ESR1: variants seen among roughly 807,000 people sequenced by gnomAD.
ESR1 encodes the protein estrogen receptor.
ESR1 carries 12 observed loss-of-function variants against 52.7 expected under a neutral mutation model. That is an observed-to-expected ratio of 0.23 (90% CI 0.15 to 0.37). ESR1 has a LOEUF of 0.37. ESR1 is among the 10% of genes least tolerant of loss of function. ESR1 has a pLI of 1.00. For synonymous variants in ESR1, 305 were observed against 316.8 expected (o/e 0.96, Z 0.39); for missense variants, 584 against 779.7 (o/e 0.75, Z 2.99).
rs116413264 is a variant in ESR1 at position 152,112,531 on chromosome 6, A to C, written c.851-12735A>C. 8.9e-3 allele frequency among the ~76,000 whole-genome samples: 1,362 copies of C among 152,322 alleles called. 27 individuals are homozygous for C. Among genetic ancestry groups the C allele is most frequent in the African/African-American group, 0.032 (1,310 of 41,570 alleles). On this transcript the variant is annotated intron_variant, in intron 6 of 6. Coordinates refer to the ESR1 transcript ENST00000427531. The stretch of plus-strand genomic sequence containing the variant: ...TAACAATGCCCCCGGGATCCCATCA[A>C]GCCAATCAAAAGGATTGAAAACCCT...
At chr6:152,040,458 C>G (rs1245012203) in intron 5 of ESR1, among the ~76,000 whole-genome samples, 2 of 152,204 alleles carry the variant, frequency 1.3e-5, no homozygotes, top group African/African-American at 2.4e-5. Flanking sequence ...TCAGAGAGGT[C>G]CATCCATCCA....
intron 2 of ESR1, among the ~76,000 whole-genome samples, chr6:151,787,974 G>C (rs1192009023): frequency 6.6e-6 from 1 of 152,062 alleles, no homozygotes; most frequent in Non-Finnish European, 1.5e-5. Context: ...ATGGATTAAA[G>C]ACTTAAATGA....
At chr6:151,976,435 T>A (rs923473155) in intron 4 of ESR1, among the ~76,000 whole-genome samples, 1 of 152,034 alleles carries the variant, frequency 6.6e-6, no homozygotes, top group Non-Finnish European at 1.5e-5. Context: ...CATATTTCAC[T>A]ATTTTTTTTT....
intron 5 of ESR1, among the ~76,000 whole-genome samples, chr6:152,054,995 T>C (rs993262806): frequency 2.0e-5 from 3 of 148,738 alleles, no homozygotes; most frequent in African/African-American, 7.9e-5. Context: ...CCATCCATGT[T>C]GTTGCAAGCG....
intron 6 of ESR1, among the ~76,000 whole-genome samples, chr6:152,062,753 T>A (rs1253165853): frequency 1.3e-5 from 2 of 152,164 alleles, no homozygotes; most frequent in Admixed American, 6.5e-5. Context: ...AAGGCAGGCC[T>A]ATTAAGTGTT....
chr6:151,786,132 C>T (rs908438626), intron 2 of ESR1, among the ~76,000 whole-genome samples: 4 of 152,170 alleles, frequency 2.6e-5, no homozygotes, highest in African/African-American at 9.7e-5. Flanking sequence ...ACAGGGTGCT[C>T]ACAGTACTCC....
intron 2 of ESR1, among the ~76,000 whole-genome samples, chr6:151,845,404 A>G (rs1404850915): frequency 6.6e-6 from 1 of 152,110 alleles, no homozygotes; most frequent in Admixed American, 6.5e-5. Context: ...CCCCATCTCT[A>G]CTAAAAATAT....
chr6:151,753,150 C>T (rs765741373), intron 2 of ESR1, among the ~76,000 whole-genome samples: 13 of 152,174 alleles, frequency 8.5e-5, no homozygotes, highest in East Asian at 3.8e-4. Context: ...CAACTGTTGA[C>T]GTGCTTTAAA....
chr6:152,098,391 G>A lies in ESR1; in HGVS notation c.1554-341G>A, dbSNP rs9341066. ...GGCGATCCTATTTGAATGCATTTAG[G>A]TCCTATTGGAGGGGAATAGGATCTC... On this transcript the variant is annotated intron_variant, in intron 7 of 7. Transcript: ENST00000206249. The surrounding 1 kb of genome is among the most constrained non-coding windows in gnomAD (Gnocchi z 5.1). Among the ~76,000 whole-genome samples, 8,353 of 152,076 alleles carry A rather than the reference G, an allele frequency of 0.055. 245 individuals carry two copies. Among genetic ancestry groups the A allele is most frequent in the Admixed American group, 0.074 (1,124 of 15,278 alleles).
chr6:151,808,486 G>T, intron 1 of ESR1, 122 bp downstream of exon 1: 2 of 875,172 alleles, frequency 2.3e-6, no homozygotes, highest in Non-Finnish European at 3.1e-6. Context: ...ACCCGAGGGT[G>T]CGCGCAGGGA....
intron 4 of ESR1, among the ~76,000 whole-genome samples, chr6:151,990,856 T>C (rs1270314594): frequency 6.6e-6 from 1 of 152,222 alleles, no homozygotes; most frequent in African/African-American, 2.4e-5. Flanking sequence ...CTTTTAATTC[T>C]ATAGTTTAAT....
chr6:151,925,860 A>G (rs980677038), intron 3 of ESR1, among the ~76,000 whole-genome samples: 45 of 152,046 alleles, frequency 3.0e-4, no homozygotes, highest in African/African-American at 1.0e-3. Flanking sequence ...GGTGTTGTAT[A>G]TAAAAACTTA....
At chr6:151,861,215 C>T (rs1339934707) in intron 2 of ESR1, among the ~76,000 whole-genome samples, 2 of 152,074 alleles carry the variant, frequency 1.3e-5, no homozygotes, top group African/African-American at 2.4e-5. Flanking sequence ...TCCATGAGAA[C>T]ACTCCCGAAG....
intron 1 of ESR1, among the ~76,000 whole-genome samples, chr6:151,840,755 G>A (rs1716343872): frequency 6.6e-6 from 1 of 152,146 alleles, no homozygotes; most frequent in African/African-American, 2.4e-5. Flanking sequence ...ATTGACTTTA[G>A]CTCATCTTAG....
Position 151,943,964 on chromosome 6 carries a change from G to A in ESR1, c.761-209G>A, listed in dbSNP as rs578067617. On this transcript the variant is annotated intron_variant, in intron 3 of 7. Coordinates refer to ENST00000206249, the MANE Select transcript of ESR1 (RefSeq NM_000125.4). ...ACACCATGAAAATTGGCATGTTATG[G>A]TGGTAGTATTTACACCATGAAAACT... Among the ~76,000 whole-genome samples, 13 of 152,236 alleles carry A rather than the reference G, an allele frequency of 8.5e-5. No homozygotes were observed. The South Asian group carries it at 2.7e-3, about 32-fold the overall frequency.
intron 2 of ESR1, among the ~76,000 whole-genome samples, chr6:151,706,619 C>T (rs958518998): frequency 2.6e-5 from 4 of 152,104 alleles, no homozygotes; most frequent in Admixed American, 6.5e-5. Flanking sequence ...TGCTGTGCCA[C>T]GAGAGCACAC....
chr6:151,687,761 G>A (rs1232924977), upstream of ESR1, among the ~76,000 whole-genome samples: 2 of 152,076 alleles, frequency 1.3e-5, no homozygotes, highest in Admixed American at 6.5e-5. Flanking sequence ...TCATTGTTCT[G>A]TGCTTCTTAA....
At chr6:151,925,049 A>G (rs1431258066) in intron 3 of ESR1, among the ~76,000 whole-genome samples, 1 of 152,014 alleles carries the variant, frequency 6.6e-6, no homozygotes, top group Non-Finnish European at 1.5e-5. Flanking sequence ...GCTTTCCACA[A>G]TGGGTGAACT....
intron 4 of ESR1, chr6:151,983,537 T>A (rs1359087612): frequency 6.6e-6 from 1 of 152,144 alleles, no homozygotes; most frequent in Non-Finnish European, 1.5e-5. Context: ...CAAGGTTACC[T>A]TGTGAATAGG....
Sources: gnomAD v4.1 joint callset for allele counts (sites outside exome capture counted in the v4.1 genomes callset) on GRCh38, gnomAD v4.1.1 for gene constraint, Gnocchi (gnomAD v3.1) non-coding constraint, MANE v1.5 for transcripts, NCBI Gene and HGNC (gene_info 2026-07-23, HGNC 2026-07-21) for gene names.